The following ZSWIM6 variants were observed in gnomAD, a reference collection of about 807,000 sequenced individuals.
ZSWIM6 encodes zinc finger SWIM domain-containing protein 6.
In ZSWIM6, 9 loss-of-function variants were observed where a neutral mutation model predicts 113.2. That is an observed-to-expected ratio of 0.08 (90% confidence interval 0.05 to 0.14). ZSWIM6 has a LOEUF of 0.14. Among genes scored for constraint, ZSWIM6 ranks in the 10% least tolerant of loss-of-function variants. The pLI is 1.00. For synonymous variants in ZSWIM6, 611 were observed against 606.5 expected, an observed-to-expected ratio of 1.01 and a Z score of -0.11; for missense variants, 1,162 against 1,552.2, an observed-to-expected ratio of 0.75 and a Z score of 4.22.
intron 12 of ZSWIM6, among the ~76,000 whole-genome samples, chr5:61,541,211 A>G (rs1017883066): frequency 7.2e-5 from 11 of 152,106 alleles, no homozygotes; most frequent in Non-Finnish European, 1.2e-4. Context: ...CCAAATTGCC[A>G]GGATTACAGG....
chr5:61,441,305 T>C (rs755145208), intron 1 of ZSWIM6, among the ~76,000 whole-genome samples: 16 of 152,174 alleles, frequency 1.1e-4, no homozygotes, highest in African/African-American at 2.4e-5. Flanking sequence ...CTGTCCTGGA[T>C]GTGAGGATAG....
chr5:61,528,016 C>CT (rs1749331684), intron 7 of ZSWIM6, among the ~76,000 whole-genome samples: 1 of 152,136 alleles, frequency 6.6e-6, no homozygotes, highest in South Asian at 2.1e-4. Flanking sequence ...TCTCTTTTAT[C>CT]TTGCAAGCTA....
chr5:61,440,360 T>TAAAAA (rs11356012), intron 1 of ZSWIM6, among the ~76,000 whole-genome samples: 1 of 113,048 alleles, frequency 8.8e-6, no homozygotes, highest in African/African-American at 3.3e-5. Flanking sequence ...TTCATTGGTG[T>TAAAAA]AAAAAAAAAA....
rs565913386 is a variant in ZSWIM6 at position 61,514,665 on chromosome 5, G to A, written c.1334-6598G>A. The stretch of plus-strand genomic sequence containing the variant: ...TTTTCTTCATTAGTCTAAATATGGT[G>A]AATTATACTAATTTATTTTTGAATG... On this transcript the variant is annotated intron_variant, in intron 4 of 13. Transcript: ENST00000252744. 1.4e-4 allele frequency among the ~76,000 whole-genome samples: 22 copies of A among 152,064 alleles called. 1 individual carries two copies. Among genetic ancestry groups the A allele is most frequent in the Non-Finnish European group, 2.5e-4 (17 of 68,004 alleles).
intron 1 of ZSWIM6, chr5:61,375,684 A>T: frequency 1.3e-6 from 2 of 1,546,828 alleles, no homozygotes; most frequent in Non-Finnish European, 1.7e-6. Flanking sequence ...AACCTTTATC[A>T]TCTGAGTCCT....
intron 1 of ZSWIM6, among the ~76,000 whole-genome samples, chr5:61,392,674 G>A (rs528606298): frequency 3.9e-5 from 6 of 152,034 alleles, no homozygotes; most frequent in Admixed American, 6.6e-5. Context: ...GTGCAATGGC[G>A]TGATCGCAGC....
chr5:61,494,538 A>G, intron 4 of ZSWIM6, 128 bp downstream of exon 4: 3 of 1,243,580 alleles, frequency 2.4e-6, no homozygotes, highest in Non-Finnish European at 3.3e-6. Flanking sequence ...TGTTGCCAAT[A>G]TATAGGTTAG....
At chr5:61,417,668 A>G (rs1437215580) in intron 1 of ZSWIM6, among the ~76,000 whole-genome samples, 1 of 152,216 alleles carries the variant, frequency 6.6e-6, no homozygotes, top group Non-Finnish European at 1.5e-5. Context: ...GATCCTTACC[A>G]CTGAAGTGCA....
intron 2 of ZSWIM6, among the ~76,000 whole-genome samples, chr5:61,482,448 A>G (rs1240021415): frequency 6.6e-6 from 1 of 152,150 alleles, no homozygotes; most frequent in Non-Finnish European, 1.5e-5. Context: ...GTGTATACCT[A>G]TGTGCATGTT....
intron 2 of ZSWIM6, among the ~76,000 whole-genome samples, chr5:61,483,095 T>C (rs1194156220): frequency 6.6e-6 from 1 of 152,208 alleles, no homozygotes; most frequent in African/African-American, 2.4e-5. Context: ...TTATTTCTTA[T>C]AGTTCTTGAG....
rs1329051948 is a variant in ZSWIM6 at position 61,543,244 on chromosome 5, C to T, written c.2786-211C>T. Among the ~76,000 whole-genome samples the T allele has an allele frequency of 6.6e-6, 1 of 152,174 alleles. No individual in the cohort carries two copies. Among genetic ancestry groups the T allele is most frequent in the Non-Finnish European group, 1.5e-5 (1 of 68,042 alleles). On this transcript the variant is annotated intron_variant, in intron 13 of 13. Coordinates refer to ENST00000252744, the MANE Select transcript of ZSWIM6 (RefSeq NM_020928.2). This position sits in a 1 kb window ranked among gnomAD's most constrained non-coding sequence, Gnocchi z 4.3. ...GATTGGTTCTTTATTATAGCAAGTT[C>T]ATGTTCCTTTCAGGCATTTCACTGA...
intron 1 of ZSWIM6, among the ~76,000 whole-genome samples, chr5:61,340,029 G>A (rs1414159329): frequency 6.6e-6 from 1 of 152,182 alleles, no homozygotes; most frequent in Non-Finnish European, 1.5e-5. Flanking sequence ...AGTAAAGTGT[G>A]TCTGTTAGAT....
Position 61,382,495 on chromosome 5 carries a change from G to A in ZSWIM6, c.676+49547G>A, listed in dbSNP as rs183216325. On this transcript the variant is annotated intron_variant, in intron 1 of 13. Transcript: ENST00000252744. ...AAAATAACAGCAGCAAAGTCGTGAT[G>A]CCTTATGTGTAGAAAGAAAAAATTT... is the stretch of plus-strand genomic sequence containing the variant. Among the ~76,000 whole-genome samples, 131 of 152,272 alleles carry A rather than the reference G, an allele frequency of 8.6e-4. 1 individual carries two copies. The highest frequency in any genetic ancestry group is 6.8e-3 in the Middle Eastern group (2 of 294).
chr5:61,484,379 T>C (rs756338925), intron 2 of ZSWIM6, among the ~76,000 whole-genome samples: 1 of 152,206 alleles, frequency 6.6e-6, no homozygotes, highest in Non-Finnish European at 1.5e-5. Flanking sequence ...CTGTATTATT[T>C]AGCTCAGTTT....
chr5:61,431,195 C>T (rs937803456), intron 1 of ZSWIM6, among the ~76,000 whole-genome samples: 1 of 151,520 alleles, frequency 6.6e-6, no homozygotes, highest in Non-Finnish European at 1.5e-5. Flanking sequence ...CATGATGAAA[C>T]CCTGTCTCTA....
rs551114645 is a variant in ZSWIM6, at chr5:61,340,927, G to A, written c.676+7979G>A. ...AAACATTTGTGGATATTTGGAAATC[G>A]TAGTAATGTTTGAGATTAAAGTTCA... is the stretch of plus-strand genomic sequence containing the variant. On this transcript the variant is annotated intron_variant, in intron 1 of 13. Coordinates refer to ENST00000252744, the MANE Select transcript of ZSWIM6 (RefSeq NM_020928.2). 5.9e-5 allele frequency among the ~76,000 whole-genome samples: 9 copies of A among 152,312 alleles called. 1 individual carries two copies. The South Asian group carries it at 8.3e-4, about 14-fold the overall frequency.
chr5:61,333,660 G>T (rs1349110168), intron 1 of ZSWIM6, among the ~76,000 whole-genome samples: 1 of 151,458 alleles, frequency 6.6e-6, no homozygotes, highest in African/African-American at 2.4e-5. Context: ...GGTGGCGGCG[G>T]ACCGGACTCC....
rs1749789153 is a variant in ZSWIM6, at chr5:61,543,221, T to C, written c.2786-234T>C. On this transcript the variant is annotated intron_variant, in intron 13 of 13. Coordinates refer to ENST00000252744, the MANE Select transcript of ZSWIM6 (RefSeq NM_020928.2). This position sits in a 1 kb window ranked among gnomAD's most constrained non-coding sequence, Gnocchi z 4.3. ...GTACAAATACCAGCTACCAAGAGGA[T>C]TGGTTCTTTATTATAGCAAGTTCAT... Among the ~76,000 whole-genome samples the C allele has an allele frequency of 7.4e-6, 1 of 135,450 alleles. No individual in the cohort carries two copies. Among genetic ancestry groups the C allele is most frequent in the South Asian group, 2.3e-4 (1 of 4,378 alleles). 88.9% of individuals were successfully genotyped at this position (135,450 alleles called of 152,430 possible).
rs1185007277 is a variant in ZSWIM6, at chr5:61,332,447, G to A, written c.175G>A (p.Gly59Ser). ...GGAAAAAACG[G>S]GAALGLLPPG... is the part of the protein sequence containing the mutation. ...CGCGGCGGCGGCGGCGGCGTGCGGG[G>A]GCGGCGCGGCGCTGGGGTTGCTGCC... The change falls in exon 1 of 14, where the codon GGC becomes AGC. Residue 59 changes from glycine to serine, a missense_variant. Transcript: ENST00000252744. The A allele has an allele frequency of 9.8e-7, 1 of 1,024,254 alleles. No homozygotes were observed. The highest frequency in any genetic ancestry group is 1.2e-6 in the Non-Finnish European group (1 of 857,460). 63.4% of individuals were successfully genotyped at this position (1,024,254 alleles called of 1,614,324 possible).
Sources: gnomAD v4.1 joint callset for allele counts (sites outside exome capture counted in the v4.1 genomes callset) on GRCh38, gnomAD v4.1.1 for gene constraint, Gnocchi (gnomAD v3.1) non-coding constraint, MANE v1.5 for transcripts, NCBI Gene and HGNC (gene_info 2026-07-23, HGNC 2026-07-21) for gene names.